The following FHIT variants were observed in gnomAD, a reference collection of about 807,000 sequenced individuals.
The protein encoded by FHIT is fragile histidine triad diadenosine triphosphatase.
Under a neutral mutation model 17.9 loss-of-function variants are expected in FHIT, and 19 were observed. The observed-to-expected ratio is 1.06, with a 90% confidence interval of 0.74 to 1.56. The LOEUF is 1.56. Ranked by LOEUF, FHIT falls within the 40% of genes most tolerant of loss-of-function variation. FHIT has a pLI of 0.00. For synonymous variants in FHIT, 81 were observed against 69.7 expected, an observed-to-expected ratio of 1.16 and a Z score of -0.81; for missense variants, 248 against 189.2, an observed-to-expected ratio of 1.31 and a Z score of -1.82.
intron 8 of FHIT, among the ~76,000 whole-genome samples, chr3:59,832,381 T>C (rs1701194256): frequency 6.6e-6 from 1 of 152,180 alleles, no homozygotes; most frequent in Admixed American, 6.5e-5. Flanking sequence ...CAATTATTTT[T>C]TTTTCTTGCT....
At chr3:60,552,488 C>G (rs1159132941) in intron 4 of FHIT, among the ~76,000 whole-genome samples, 1 of 152,136 alleles carries the variant, frequency 6.6e-6, no homozygotes, top group Non-Finnish European at 1.5e-5. Context: ...CACCAACACC[C>G]CACTCCCAGA....
At chr3:60,840,661 T>C (rs1428077213) in intron 3 of FHIT, among the ~76,000 whole-genome samples, 2 of 152,254 alleles carry the variant, frequency 1.3e-5, no homozygotes, top group Admixed American at 6.5e-5. Context: ...TACATAGATT[T>C]TATTTTCTCC....
At chr3:61,210,706 C>T (rs1576227020) in intron 1 of FHIT, among the ~76,000 whole-genome samples, 1 of 152,206 alleles carries the variant, frequency 6.6e-6, no homozygotes, top group African/African-American at 2.4e-5. Context: ...CCATCTGTCA[C>T]CCCTCTCTTT....
rs565102925 is a variant in FHIT, at chr3:60,493,094, T to C, written c.103+43766A>G. Among the ~76,000 whole-genome samples, 39 of 152,216 alleles carry C rather than the reference T, an allele frequency of 2.6e-4. No homozygotes were observed. In the Middle Eastern group the frequency reaches 0.017, roughly 66 times the overall value. ...GAATTCAGAGAAAATGGTTCTTACT[T>C]GTCGAGAAAAGGGCAAGGGAAGACT... is the stretch of plus-strand genomic sequence containing the variant. On this transcript the variant is annotated intron_variant, in intron 5 of 9. Coordinates refer to ENST00000492590, the MANE Select transcript of FHIT (RefSeq NM_002012.4).
chr3:60,407,955 GC>G (rs1395856706), intron 5 of FHIT, among the ~76,000 whole-genome samples: 1 of 152,138 alleles, frequency 6.6e-6, no homozygotes, highest in Non-Finnish European at 1.5e-5. Flanking sequence ...ACCTGTTAAA[GC>G]CACTAACAGA....
intron 2 of FHIT, among the ~76,000 whole-genome samples, chr3:61,170,616 T>C (rs140432944): frequency 3.8e-4 from 58 of 152,238 alleles, no homozygotes; most frequent in Non-Finnish European, 6.0e-4. Context: ...TAAATGAGAA[T>C]ATGCAGCATT....
At chr3:60,173,915 A>ATATATATATATATATATATTTTTTTTT in intron 5 of FHIT, among the ~76,000 whole-genome samples, 9 of 66,422 alleles carry the variant, frequency 1.4e-4, no homozygotes, top group South Asian at 4.7e-4. Flanking sequence ...ATATATATAT[A>ATATATATATATATATATATTTTTTTTT]TGTTTTTTTT....
At chr3:60,410,722 A>C (rs1702030277) in intron 5 of FHIT, among the ~76,000 whole-genome samples, 1 of 152,264 alleles carries the variant, frequency 6.6e-6, no homozygotes, top group South Asian at 2.1e-4. Flanking sequence ...TTAGCTAAAT[A>C]ATTTCCCTGG....
chr3:60,659,212 C>T (rs2040185509), intron 4 of FHIT, among the ~76,000 whole-genome samples: 2 of 151,964 alleles, frequency 1.3e-5, no homozygotes, highest in South Asian at 2.1e-4. Context: ...CTCTCTTTGT[C>T]TTTCAACAGT....
At chr3:60,390,562 CGTT>C (rs2107150596) in intron 5 of FHIT, among the ~76,000 whole-genome samples, 1 of 152,010 alleles carries the variant, frequency 6.6e-6, no homozygotes, top group African/African-American at 2.4e-5. Flanking sequence ...CAGAAGAAGG[CGTT>C]GTTATCACAG....
At chr3:60,731,487 C>G (rs1219050458) in intron 4 of FHIT, among the ~76,000 whole-genome samples, 1 of 152,188 alleles carries the variant, frequency 6.6e-6, no homozygotes, top group Non-Finnish European at 1.5e-5. Flanking sequence ...CTTCCAGGGT[C>G]TTGCCTCCCT....
intron 2 of FHIT, among the ~76,000 whole-genome samples, chr3:61,154,185 G>A (rs1413940512): frequency 6.6e-6 from 1 of 152,170 alleles, no homozygotes; most frequent in Non-Finnish European, 1.5e-5. Context: ...CTCTAGCCAT[G>A]CAAGCCTGGA....
intron 3 of FHIT, among the ~76,000 whole-genome samples, chr3:61,017,339 G>A (rs543367035): frequency 9.9e-5 from 15 of 152,224 alleles, no homozygotes; most frequent in African/African-American, 3.6e-4. Context: ...CTGTGTGTGT[G>A]CACTTTCATT....
chr3:60,607,032 T>C (rs1244511508), intron 4 of FHIT, among the ~76,000 whole-genome samples: 1 of 152,146 alleles, frequency 6.6e-6, no homozygotes, highest in Non-Finnish European at 1.5e-5. Context: ...GACCTCTATA[T>C]TTGTTTCAAA....
chr3:60,986,424 T>C (rs907418981), intron 3 of FHIT, among the ~76,000 whole-genome samples: 1 of 152,198 alleles, frequency 6.6e-6, no homozygotes, highest in Non-Finnish European at 1.5e-5. Context: ...TAAATACATC[T>C]TTCAGTTAAA....
At chr3:59,858,000 T>G (rs1304094855) in intron 8 of FHIT, among the ~76,000 whole-genome samples, 1 of 152,134 alleles carries the variant, frequency 6.6e-6, no homozygotes, top group Non-Finnish European at 1.5e-5. Context: ...GTCTCAGCTT[T>G]ATGGCCAGTT....
chr3:61,004,901 G>C (rs1575824853), intron 3 of FHIT, among the ~76,000 whole-genome samples: 1 of 152,150 alleles, frequency 6.6e-6, no homozygotes, highest in African/African-American at 2.4e-5. Flanking sequence ...GTAAGTAAAT[G>C]AGAAATGTAA....
intron 8 of FHIT, among the ~76,000 whole-genome samples, chr3:59,862,698 G>C (rs1014717729): frequency 6.6e-5 from 10 of 152,198 alleles, no homozygotes; most frequent in South Asian, 2.1e-4. Context: ...GGTAATTGCA[G>C]AAATCACCAC....
chr3:61,162,456 C>T (rs999885369), intron 2 of FHIT, among the ~76,000 whole-genome samples: 1 of 152,206 alleles, frequency 6.6e-6, no homozygotes, highest in Non-Finnish European at 1.5e-5. Flanking sequence ...CATGGTGGAT[C>T]ATACTCAAGG....
Sources: allele counts gnomAD v4.1 joint callset (sites outside exome capture counted in the v4.1 genomes callset), GRCh38; gene constraint gnomAD v4.1.1; transcripts MANE v1.5; gene names NCBI Gene and HGNC (gene_info 2026-07-23, HGNC 2026-07-21).